Variants in GATAD2B observed in about 807,000 individuals in gnomAD.
GATAD2B encodes the protein transcriptional repressor p66-beta.
Under a neutral mutation model 64.3 loss-of-function variants are expected in GATAD2B, and 8 were observed. That is an observed-to-expected ratio of 0.12 (90% CI 0.07 to 0.22). GATAD2B has a LOEUF of 0.22. Among genes scored for constraint, GATAD2B ranks in the 10% least tolerant of loss-of-function variants. GATAD2B has a pLI of 1.00. For synonymous variants in GATAD2B, 281 were observed against 271.3 expected (o/e 1.04, Z -0.35); for missense variants, 453 against 752.0 (o/e 0.60, Z 4.65).
intron 2 of GATAD2B, among the ~76,000 whole-genome samples, chr1:153,825,419 G>A (rs1674838045): frequency 6.6e-6 from 1 of 152,002 alleles, no homozygotes; most frequent in Admixed American, 6.6e-5. Context: ...TTTTGTGGTT[G>A]TTTTTGCTTT....
intron 1 of GATAD2B, among the ~76,000 whole-genome samples, chr1:153,877,483 C>T (rs1425086662): frequency 7.2e-5 from 11 of 152,034 alleles, no homozygotes; most frequent in African/African-American, 4.8e-5. Context: ...CTCATCTATC[C>T]TTTAAGAGAA....
Position 153,818,772 on chromosome 1 carries a change from T to TA in GATAD2B, c.597+18dup. 1.2e-6 allele frequency: 2 copies of TA among 1,611,328 alleles called. No homozygotes were observed. Among genetic ancestry groups the TA allele is most frequent in the Non-Finnish European group, 8.5e-7 (1 of 1,179,356 alleles). ...TTTTCTTTCCTTTCCCTTAGTCCCT[T>TA]ATTTCTAGGGCACATTACCTTCTGG... On this transcript the variant is annotated intron_variant, in intron 4 of 10. Transcript: ENST00000368655.
chr1:153,892,689 A>C (rs1438374357), intron 1 of GATAD2B, among the ~76,000 whole-genome samples: 1 of 142,414 alleles, frequency 7.0e-6, no homozygotes, highest in African/African-American at 2.6e-5. Flanking sequence ...ACTTGTAAGA[A>C]ACCTTTTTTT....
chr1:153,909,550 A>C (rs554494915), intron 1 of GATAD2B, among the ~76,000 whole-genome samples: 18 of 151,732 alleles, frequency 1.2e-4, no homozygotes, highest in East Asian at 4.0e-4. Flanking sequence ...GCCTGTAATC[A>C]CAGCACTTTG....
At chr1:153,906,895 G>A (rs1383549133) in intron 1 of GATAD2B, among the ~76,000 whole-genome samples, 1 of 152,178 alleles carries the variant, frequency 6.6e-6, no homozygotes, top group African/African-American at 2.4e-5. Flanking sequence ...CTGAAAAGAT[G>A]ATCAACATCA....
At chr1:153,853,426 G>T (rs1675976657) in intron 1 of GATAD2B, 2 of 632,558 alleles carry the variant, frequency 3.2e-6, no homozygotes, top group Non-Finnish European at 5.7e-6. Flanking sequence ...TCTTCCTGGA[G>T]AAATAAATCA....
intron 1 of GATAD2B, among the ~76,000 whole-genome samples, chr1:153,918,226 G>A (rs1042335740): frequency 2.1e-4 from 32 of 152,314 alleles, no homozygotes; most frequent in African/African-American, 7.7e-4. Flanking sequence ...CTGTCTGCAA[G>A]AAATGAGAAT....
chr1:153,916,717 T>C (rs565460950), intron 1 of GATAD2B, among the ~76,000 whole-genome samples: 178 of 152,340 alleles, frequency 1.2e-3, no homozygotes, highest in African/African-American at 4.0e-3. Flanking sequence ...ACAAAACATT[T>C]TATGCTTGTA....
chr1:153,818,295 A>C, intron 4 of GATAD2B, 124 bp from the exon 5 acceptor site: 1 of 756,786 alleles, frequency 1.3e-6, no homozygotes, highest in East Asian at 3.1e-5. Context: ...AAAAACCAGA[A>C]AAAGGGAGTC....
intron 1 of GATAD2B, among the ~76,000 whole-genome samples, chr1:153,905,451 A>C (rs1677895447): frequency 6.6e-6 from 1 of 151,656 alleles, no homozygotes. Flanking sequence ...GCAGAATCCC[A>C]TTCAGATTTT....
At chr1:153,847,275 CTATTTT>C (rs1273735425) in intron 1 of GATAD2B, among the ~76,000 whole-genome samples, 2 of 152,180 alleles carry the variant, frequency 1.3e-5, no homozygotes, top group Non-Finnish European at 2.9e-5. Flanking sequence ...CCTGGAACTT[CTATTTT>C]TAATGTCAGT....
At chr1:153,918,877 G>A (rs189412439) in intron 1 of GATAD2B, among the ~76,000 whole-genome samples, 1 of 152,206 alleles carries the variant, frequency 6.6e-6, no homozygotes, top group East Asian at 1.9e-4. Flanking sequence ...CTTGAACCCA[G>A]GAGGCAGAGG....
chr1:153,867,429 G>A (rs1035478061), intron 1 of GATAD2B, among the ~76,000 whole-genome samples: 5 of 151,510 alleles, frequency 3.3e-5, no homozygotes, highest in African/African-American at 1.2e-4. Flanking sequence ...GGAGTGTCTG[G>A]ACTCAGGAGT....
intron 1 of GATAD2B, among the ~76,000 whole-genome samples, chr1:153,878,978 G>A (rs969310923): frequency 2.0e-4 from 30 of 149,584 alleles, no homozygotes; most frequent in Non-Finnish European, 3.4e-4. Context: ...TTGCTCTGTC[G>A]CCCAGGCTGA....
At chr1:153,858,106 T>G (rs1676154500) in intron 1 of GATAD2B, among the ~76,000 whole-genome samples, 1 of 152,238 alleles carries the variant, frequency 6.6e-6, no homozygotes, top group Admixed American at 6.5e-5. Context: ...GGTCTCAAAC[T>G]AGATAGTTCT....
intron 1 of GATAD2B, among the ~76,000 whole-genome samples, chr1:153,911,690 C>G (rs1012071369): frequency 6.6e-6 from 1 of 151,852 alleles, no homozygotes; most frequent in African/African-American, 2.4e-5. Flanking sequence ...GAGCAGAGAT[C>G]GCGCCACTGC....
At chr1:153,891,524 C>T (rs1263390856) in intron 1 of GATAD2B, among the ~76,000 whole-genome samples, 9 of 132,252 alleles carry the variant, frequency 6.8e-5, no homozygotes, top group East Asian at 5.1e-4. Context: ...GAGCTGAGAT[C>T]GTGCCACTGC....
At chr1:153,836,513 A>G (rs1340614759) in intron 1 of GATAD2B, among the ~76,000 whole-genome samples, 1 of 151,114 alleles carries the variant, frequency 6.6e-6, no homozygotes, top group African/African-American at 2.4e-5. Flanking sequence ...GGCCTCCCAA[A>G]GTGCTGGGAT....
chr1:153,813,403 C>T lies in GATAD2B; in HGVS notation c.1266G>A (p.Gln422=), dbSNP rs1471054558. The change falls in exon 8 of 11, where the codon CAG becomes CAA. Residue 422 remains glutamine, a synonymous_variant. Coordinates refer to ENST00000368655, the MANE Select transcript of GATAD2B (RefSeq NM_020699.4). The stretch of plus-strand genomic sequence containing the variant: ...AGTGAGGGGTGAAATCTGTGCGGCA[C>T]TGGGCACATACAAAGGGTTCAACCC... ...LLRVEPFVCA[Q]CRTDFTPHWK... 1.2e-6 allele frequency: 2 copies of T among 1,614,136 alleles called. No individual in the cohort carries two copies. The highest frequency in any genetic ancestry group is 1.7e-5 in the Admixed American group (1 of 60,020).
Sources: allele counts gnomAD v4.1 joint callset (sites outside exome capture counted in the v4.1 genomes callset), GRCh38; gene constraint gnomAD v4.1.1; transcripts MANE v1.5; gene names NCBI Gene and HGNC (gene_info 2026-07-23, HGNC 2026-07-21).